The following JMJD1C variants were observed in gnomAD, a reference collection of about 807,000 sequenced individuals.
JMJD1C encodes the protein jumonji domain containing 1C, also known as jumonji domain-containing protein 1C.
Under a neutral mutation model 245.3 loss-of-function variants are expected in JMJD1C, and 31 were observed. That is an observed-to-expected ratio of 0.13 (90% CI 0.09 to 0.17). The LOEUF (loss-of-function observed/expected upper bound fraction) is 0.17. Among genes scored for constraint, JMJD1C ranks in the 10% least tolerant of loss-of-function variants. The pLI is 1.00. For missense variants in JMJD1C, 2,691 were observed against 3,000.2 expected (o/e 0.90, Z 2.41); for synonymous variants, 1,057 against 1,017.4 (o/e 1.04, Z -0.74).
At chr10:63,376,953 G>T (rs750065239) in intron 2 of JMJD1C, among the ~76,000 whole-genome samples, 1 of 152,168 alleles carries the variant, frequency 6.6e-6, no homozygotes, top group Non-Finnish European at 1.5e-5. Context: ...ACAGAGGCTT[G>T]GGCAGATATT....
At chr10:63,325,521 G>A (rs1941402813) in intron 2 of JMJD1C, among the ~76,000 whole-genome samples, 3 of 152,084 alleles carry the variant, frequency 2.0e-5, no homozygotes, top group Non-Finnish European at 4.4e-5. Context: ...CTCCGACAGT[G>A]TTTAAATAAG....
intron 1 of JMJD1C, among the ~76,000 whole-genome samples, chr10:63,411,317 G>A (rs1199095069): frequency 1.8e-5 from 1 of 55,262 alleles, no homozygotes; most frequent in Non-Finnish European, 3.7e-5. Flanking sequence ...TTTTTTTTTT[G>A]AGACGGAGTC....
chr10:63,343,021 C>T (rs572696621), intron 2 of JMJD1C, among the ~76,000 whole-genome samples: 21 of 152,084 alleles, frequency 1.4e-4, no homozygotes, highest in Non-Finnish European at 2.8e-4. Context: ...CAAAACACTT[C>T]CAGCCCCAAG....
At chr10:63,378,738 T>A (rs1337909613) in intron 2 of JMJD1C, among the ~76,000 whole-genome samples, 1 of 152,232 alleles carries the variant, frequency 6.6e-6, no homozygotes. Flanking sequence ...TAATTATTCA[T>A]AATTTCTCAT....
intron 1 of JMJD1C, among the ~76,000 whole-genome samples, chr10:63,456,541 A>G (rs1486824491): frequency 1.3e-5 from 2 of 152,112 alleles, no homozygotes; most frequent in South Asian, 4.1e-4. Flanking sequence ...AGATTTTTGA[A>G]TCTTAAAACT....
At chr10:63,480,125 G>A (rs969909427) in intron 1 of JMJD1C, among the ~76,000 whole-genome samples, 7 of 151,994 alleles carry the variant, frequency 4.6e-5, no homozygotes, top group African/African-American at 1.7e-4. Flanking sequence ...ATAGTTAGTT[G>A]TAGTCCAGAG....
At chr10:63,262,155 AAGGCACT>A (rs1854850266) in intron 3 of JMJD1C, among the ~76,000 whole-genome samples, 1 of 152,232 alleles carries the variant, frequency 6.6e-6, no homozygotes, top group Admixed American at 6.5e-5. Context: ...GAGATAGGTC[AAGGCACT>A]ATTTACAAAA....
chr10:63,428,305 CA>C (rs1461274306), intron 1 of JMJD1C, among the ~76,000 whole-genome samples: 1 of 152,160 alleles, frequency 6.6e-6, no homozygotes, highest in Non-Finnish European at 1.5e-5. Context: ...TTCAATTACA[CA>C]GTGCCAGTAA....
At chr10:63,302,140 C>G (rs562664774) in intron 2 of JMJD1C, among the ~76,000 whole-genome samples, 1 of 152,318 alleles carries the variant, frequency 6.6e-6, no homozygotes, top group South Asian at 2.1e-4. Context: ...ACCTAAGCCT[C>G]CCAAGTAGCT....
At chr10:63,516,312 C>T (rs879474286) in intron 1 of JMJD1C, among the ~76,000 whole-genome samples, 1 of 151,010 alleles carries the variant, frequency 6.6e-6, no homozygotes, top group Non-Finnish European at 1.5e-5. Flanking sequence ...GAAAAAAAGA[C>T]TAATTTTTCA....
At chr10:63,236,013 A>G (rs1850687083) in intron 3 of JMJD1C, among the ~76,000 whole-genome samples, 1 of 152,248 alleles carries the variant, frequency 6.6e-6, no homozygotes, top group Non-Finnish European at 1.5e-5. Flanking sequence ...GATATCATAA[A>G]TAGATTATAT....
chr10:63,284,401 G>A (rs1043406938), intron 2 of JMJD1C, among the ~76,000 whole-genome samples: 3 of 152,086 alleles, frequency 2.0e-5, no homozygotes, highest in Admixed American at 6.6e-5. Flanking sequence ...GTTTATTACT[G>A]TCATTCATTC....
At chr10:63,392,164 T>C (rs1466216526) in intron 1 of JMJD1C, among the ~76,000 whole-genome samples, 1 of 152,134 alleles carries the variant, frequency 6.6e-6, no homozygotes, top group African/African-American at 2.4e-5. Context: ...AAAAACTGGA[T>C]ATCCACATGA....
At chr10:63,205,043 A>T (rs1466179754) in intron 10 of JMJD1C, 11 of 984,894 alleles carry the variant, frequency 1.1e-5, no homozygotes, top group Non-Finnish European at 1.3e-5. Flanking sequence ...CTAAAAAGAA[A>T]TAAGCAAACT....
At chr10:63,172,950 C>G (rs918053203) in intron 24 of JMJD1C, among the ~76,000 whole-genome samples, 33 of 149,174 alleles carry the variant, frequency 2.2e-4, no homozygotes, top group African/African-American at 8.2e-4. Context: ...GTAAACCAAC[C>G]TAACTTTTTA....
intron 1 of JMJD1C, among the ~76,000 whole-genome samples, chr10:63,397,208 C>CTTTAT (rs753365923): frequency 1.3e-4 from 20 of 152,002 alleles, no homozygotes; most frequent in South Asian, 6.2e-4. Context: ...TTGAACTGAT[C>CTTTAT]TTTATTTTAT....
Position 63,207,262 on chromosome 10 carries a change from G to A in JMJD1C, c.4407C>T (p.Pro1469=). Residue 1469 remains proline, a synonymous_variant, in exon 10 of 26, where the codon CCC becomes CCT. Coordinates refer to ENST00000399262, the MANE Select transcript of JMJD1C (RefSeq NM_032776.3). The part of the protein sequence containing the change: ...ASSKTGSVVQ[P]SSGFSGTTDF... ...CAGTTGTGCCTGAGAACCCAGAACT[G>A]GGTTGAACAACACTTCCTGTCTTAC... is the stretch of plus-strand genomic sequence containing the variant. The A allele has an allele frequency of 1.2e-6, 2 of 1,613,954 alleles. No individual in the cohort carries two copies. The highest frequency in any genetic ancestry group is 1.7e-6 in the Non-Finnish European group (2 of 1,180,026).
chr10:63,371,029 G>A (rs1039431251), intron 2 of JMJD1C, among the ~76,000 whole-genome samples: 1 of 152,100 alleles, frequency 6.6e-6, no homozygotes, highest in Admixed American at 6.6e-5. Flanking sequence ...CCAGGCTGGA[G>A]TGCAATGGCA....
chr10:63,286,070 G>A (rs1370670558), intron 2 of JMJD1C, among the ~76,000 whole-genome samples: 2 of 152,168 alleles, frequency 1.3e-5, no homozygotes, highest in Non-Finnish European at 2.9e-5. Context: ...CCAGCAATCT[G>A]TGCTTTAACA....
Sources: gnomAD v4.1 joint callset for allele counts (sites outside exome capture counted in the v4.1 genomes callset) on GRCh38, gnomAD v4.1.1 for gene constraint, MANE v1.5 for transcripts, NCBI Gene and HGNC (gene_info 2026-07-23, HGNC 2026-07-21) for gene names.